The following FGF13 variants were observed in gnomAD, a reference collection of about 807,000 sequenced individuals.
FGF13 encodes fibroblast growth factor homologous factor 2.
FGF13 carries 2 observed loss-of-function variants against 19.5 expected under a neutral mutation model. The ratio of observed to expected loss-of-function variants is 0.10; its 90% confidence interval spans 0.04 to 0.32. The LOEUF (loss-of-function observed/expected upper bound fraction) is 0.32. FGF13 is among the 10% of genes least tolerant of loss of function. The probability of loss-of-function intolerance (pLI) is 1.00; values close to 1 mark genes in which losing one functional copy is unlikely to be tolerated. For missense variants in FGF13, 113 were observed against 192.7 expected, an observed-to-expected ratio of 0.59 and a Z score of 2.45; for synonymous variants, 72 against 76.9, an observed-to-expected ratio of 0.94 and a Z score of 0.33.
chrX:138,662,768 A>G (rs748971676), intron 3 of FGF13, among the ~76,000 whole-genome samples: 7 of 111,506 alleles, frequency 6.3e-5, no homozygotes, highest in Non-Finnish European at 1.3e-4. Flanking sequence ...TAAGAAGGAG[A>G]GAATGGTTTT....
chrX:138,772,199 T>G (rs2090552000), intron 3 of FGF13, among the ~76,000 whole-genome samples: 1 of 108,454 alleles, frequency 9.2e-6, no homozygotes, highest in Non-Finnish European at 1.9e-5. Context: ...AAAGCAAGAA[T>G]TAAACGTGAT....
At chrX:138,710,000 C>A (rs1248039028) in intron 1 of FGF13, among the ~76,000 whole-genome samples, 1 of 110,859 alleles carries the variant, frequency 9.0e-6, no homozygotes, top group Non-Finnish European at 1.9e-5. Flanking sequence ...GTAAAAGATT[C>A]ATTTGGTTAA....
At chrX:138,709,503 C>T (rs1482744600) in intron 1 of FGF13, among the ~76,000 whole-genome samples, 1 of 111,652 alleles carries the variant, frequency 9.0e-6, no homozygotes, top group Non-Finnish European at 1.9e-5. Flanking sequence ...GATACAACCA[C>T]CATTAACAAA....
At chrX:138,739,286 G>T (rs1286527969) in exon 1 of FGF13, 1 of 1,196,683 alleles carries the variant, frequency 8.4e-7, no homozygotes, top group Non-Finnish European at 1.1e-6. Context: ...TTATAAGCTG[G>T]TCCTACCCAG....
chrX:138,911,136 T>G (rs190058467), intron 1 of FGF13, among the ~76,000 whole-genome samples: 6 of 111,798 alleles, frequency 5.4e-5, no homozygotes, highest in African/African-American at 2.0e-4. Context: ...AAGGAGCAAT[T>G]ATCTCATTTC....
chrX:138,878,099 T>C (rs149636236), intron 1 of FGF13, among the ~76,000 whole-genome samples: 3,235 of 111,298 alleles, frequency 0.029, 131 homozygotes, highest in African/African-American at 0.098. Context: ...CTTATTTTCC[T>C]TTAAAAAAGT....
intron 1 of FGF13, among the ~76,000 whole-genome samples, chrX:138,932,557 G>A (rs771207457): frequency 1.2e-4 from 13 of 110,482 alleles, no homozygotes; most frequent in African/African-American, 2.0e-4. Flanking sequence ...AGCTGAGATC[G>A]CACCATTGCG....
chrX:138,677,438 G>A (rs1197216452), intron 3 of FGF13, among the ~76,000 whole-genome samples: 2 of 109,972 alleles, frequency 1.8e-5, no homozygotes, highest in Non-Finnish European at 3.8e-5. Context: ...TCTGACAAAG[G>A]GCTAATATCC....
At chrX:138,945,500 TG>T (rs914107089) in intron 1 of FGF13, among the ~76,000 whole-genome samples, 4 of 111,379 alleles carry the variant, frequency 3.6e-5, no homozygotes, top group East Asian at 2.9e-4. Flanking sequence ...CAATGAACAG[TG>T]GGGGGGTCAT....
chrX:139,118,896 C>T (rs1273378274), intron 1 of FGF13, among the ~76,000 whole-genome samples: 1 of 111,414 alleles, frequency 9.0e-6, no homozygotes, highest in Admixed American at 9.6e-5. Flanking sequence ...TGTGCTGGCT[C>T]ATGCCTGTAA....
At chrX:138,787,822 T>A (rs776961650) in intron 3 of FGF13, among the ~76,000 whole-genome samples, 1 of 109,971 alleles carries the variant, frequency 9.1e-6, no homozygotes, top group African/African-American at 3.3e-5. Context: ...TCTTATAAGG[T>A]CACTAATCCC....
At chrX:139,011,200 C>T (rs2092126448) in intron 1 of FGF13, among the ~76,000 whole-genome samples, 1 of 110,269 alleles carries the variant, frequency 9.1e-6, no homozygotes, top group Non-Finnish European at 1.9e-5. Context: ...ATTAGATGGA[C>T]TCACAGCTGA....
chrX:139,059,986 A>G (rs1199485567), intron 1 of FGF13, among the ~76,000 whole-genome samples: 6 of 111,934 alleles, frequency 5.4e-5, no homozygotes. Flanking sequence ...GTATAAATTG[A>G]TAGTCCCTCA....
chrX:138,694,230 GC>G (rs2089867615), intron 3 of FGF13, among the ~76,000 whole-genome samples: 1 of 110,733 alleles, frequency 9.0e-6, no homozygotes, highest in Admixed American at 9.6e-5. Context: ...AACATCTGAG[GC>G]ATCTTAACAT....
At chrX:139,178,184 T>C (rs974389362) in intron 1 of FGF13, among the ~76,000 whole-genome samples, 2 of 112,204 alleles carry the variant, frequency 1.8e-5, no homozygotes, top group African/African-American at 6.5e-5. Context: ...CCTCATTAGA[T>C]AGTTCTGAAG....
chrX:138,680,573 A>T (rs1365820026), intron 3 of FGF13, among the ~76,000 whole-genome samples: 2 of 111,811 alleles, frequency 1.8e-5, no homozygotes, highest in Admixed American at 1.9e-4. Flanking sequence ...TTTTGAAAAG[A>T]ATCTTTTTTT....
chrX:139,085,316 A>G (rs1184250385), intron 1 of FGF13, among the ~76,000 whole-genome samples: 1 of 112,109 alleles, frequency 8.9e-6, no homozygotes, highest in Non-Finnish European at 1.9e-5. Flanking sequence ...GGCAATTTAC[A>G]TAATGTCTCT....
At chrX:138,737,456 T>TC (rs1317626490) in intron 1 of FGF13, among the ~76,000 whole-genome samples, 6 of 111,968 alleles carry the variant, frequency 5.4e-5, no homozygotes. Context: ...TCACTACCAA[T>TC]CTGTCCCACA....
intron 3 of FGF13, among the ~76,000 whole-genome samples, chrX:138,648,747 C>T (rs892588424): frequency 2.7e-5 from 3 of 111,668 alleles, no homozygotes; most frequent in Non-Finnish European, 3.8e-5. Context: ...CCACTATGCA[C>T]GCAATTCTTT....
Sources: allele counts gnomAD v4.1 joint callset (sites outside exome capture counted in the v4.1 genomes callset), GRCh38; gene constraint gnomAD v4.1.1; transcripts MANE v1.5; gene names NCBI Gene and HGNC (gene_info 2026-07-23, HGNC 2026-07-21).